The following OR1J2 variants were observed in gnomAD, a reference collection of about 807,000 sequenced individuals.
The protein encoded by OR1J2 is olfactory receptor 1J2.
For missense variants in OR1J2, 304 were observed against 246.1 expected, an observed-to-expected ratio of 1.24 and a Z score of -1.57; for synonymous variants, 142 against 99.7, an observed-to-expected ratio of 1.42 and a Z score of -2.52.
the OR1J2 span, among the ~76,000 whole-genome samples, chr9:122,561,224 G>A: frequency 1.3e-5 from 2 of 152,078 alleles, no homozygotes; most frequent in African/African-American, 4.8e-5. Context: ...GATTGTTCTA[G>A]TTAGCAGCTC....
At chr9:122,507,583 C>T (rs1050073517), upstream of OR1J2, among the ~76,000 whole-genome samples, 3 of 152,142 alleles carry the variant, frequency 2.0e-5, no homozygotes, top group African/African-American at 4.8e-5. Context: ...CTGTTTCTCA[C>T]TTGTCTGAAT....
At chr9:122,517,292 C>G in the OR1J2 span, among the ~76,000 whole-genome samples, 1 of 152,156 alleles carries the variant, frequency 6.6e-6, no homozygotes, top group African/African-American at 2.4e-5. Flanking sequence ...CCCCAGGGAG[C>G]CTTAAAATGC....
the OR1J2 span, among the ~76,000 whole-genome samples, chr9:122,518,428 G>C: frequency 6.6e-6 from 1 of 152,246 alleles, no homozygotes; most frequent in Non-Finnish European, 1.5e-5. Flanking sequence ...TCCACTTTCT[G>C]GTTAGCAGAT....
chr9:122,568,562 C>A, the OR1J2 span: 1 of 807,002 alleles, frequency 1.2e-6, no homozygotes, highest in South Asian at 1.8e-5. Flanking sequence ...CCTAGCAAGT[C>A]TTTGTTTCTT....
At chr9:122,534,246 C>T in the OR1J2 span, among the ~76,000 whole-genome samples, 1 of 152,182 alleles carries the variant, frequency 6.6e-6, no homozygotes, top group African/African-American at 2.4e-5. Context: ...TAATTAAGTC[C>T]TGTTGTGGGG....
the OR1J2 span, among the ~76,000 whole-genome samples, chr9:122,532,552 G>T: frequency 6.8e-6 from 1 of 147,302 alleles, no homozygotes; most frequent in South Asian, 2.2e-4. Context: ...AATGGTAATT[G>T]TGGGAGACTC....
At chr9:122,520,328 T>G in the OR1J2 span, among the ~76,000 whole-genome samples, 1 of 152,380 alleles carries the variant, frequency 6.6e-6, no homozygotes, top group East Asian at 1.9e-4. Context: ...TCCTTCATTT[T>G]ATTTCCTGGA....
chr9:122,515,644 T>A (rs1828690509), downstream of OR1J2, among the ~76,000 whole-genome samples: 1 of 152,204 alleles, frequency 6.6e-6, no homozygotes, highest in Admixed American at 6.5e-5. Flanking sequence ...CATACAGTGT[T>A]AGAGAGCCCT....
the OR1J2 span, among the ~76,000 whole-genome samples, chr9:122,540,039 C>T: frequency 2.0e-5 from 3 of 152,104 alleles, no homozygotes; most frequent in Non-Finnish European, 4.4e-5. Context: ...GAGTAGATTG[C>T]AAAAATTTTC....
chr9:122,519,999 C>A, the OR1J2 span: 2 of 1,614,168 alleles, frequency 1.2e-6, no homozygotes, highest in Non-Finnish European at 1.7e-6. Context: ...ATTGCTGAAT[C>A]CCTTCATTTA....
At chr9:122,470,944 TTG>T in the OR1J2 span, among the ~76,000 whole-genome samples, 1 of 152,198 alleles carries the variant, frequency 6.6e-6, no homozygotes, top group Admixed American at 6.5e-5. Flanking sequence ...TGTACCCCCA[TTG>T]TATCTAGGAA....
chr9:122,448,027 G>A, the OR1J2 span, among the ~76,000 whole-genome samples: 2 of 152,146 alleles, frequency 1.3e-5, no homozygotes, highest in Non-Finnish European at 2.9e-5. Context: ...TATAGAGAAA[G>A]AACAGTGGGC....
the OR1J2 span, among the ~76,000 whole-genome samples, chr9:122,528,098 T>C: frequency 6.6e-6 from 1 of 152,242 alleles, no homozygotes; most frequent in African/African-American, 2.4e-5. Flanking sequence ...AGTAACTTTC[T>C]AGGACCACAT....
the OR1J2 span, among the ~76,000 whole-genome samples, chr9:122,485,858 G>C: frequency 6.6e-6 from 1 of 152,152 alleles, no homozygotes; most frequent in African/African-American, 2.4e-5. Flanking sequence ...AATGACTGCT[G>C]TAAGGCTGGG....
the OR1J2 span, among the ~76,000 whole-genome samples, chr9:122,469,570 A>G: frequency 2.6e-5 from 4 of 152,196 alleles, no homozygotes; most frequent in African/African-American, 9.6e-5. Flanking sequence ...GAAGTGGGGC[A>G]CTGCTGAAAA....
the OR1J2 span, among the ~76,000 whole-genome samples, chr9:122,468,609 C>T: frequency 2.0e-5 from 3 of 151,980 alleles, no homozygotes; most frequent in African/African-American, 4.8e-5. Context: ...AGGTCCACAC[C>T]ATCCTCCAGG....
the OR1J2 span, chr9:122,527,198 C>A: frequency 6.2e-7 from 1 of 1,614,090 alleles, no homozygotes; most frequent in South Asian, 1.1e-5. Flanking sequence ...TGACAAGATA[C>A]ATACACAGGA....
At chr9:122,465,157 C>G in the OR1J2 span, among the ~76,000 whole-genome samples, 3 of 152,222 alleles carry the variant, frequency 2.0e-5, no homozygotes, top group East Asian at 5.8e-4. Context: ...AACTAGTGCA[C>G]AAACAGCCAA....
upstream of OR1J2, among the ~76,000 whole-genome samples, chr9:122,508,125 GGGGAGAGAGAGAGA>G (rs760089120): frequency 1.5e-3 from 219 of 148,410 alleles, 1 homozygote; most frequent in African/African-American, 5.1e-3. Flanking sequence ...AGAGTGAGGG[GGGGAGAGAGAGAGA>G]GGGAGAGAGA....
Sources: allele counts gnomAD v4.1 joint callset (sites outside exome capture counted in the v4.1 genomes callset), GRCh38; gene constraint gnomAD v4.1.1; transcripts MANE v1.5; gene names NCBI Gene and HGNC (gene_info 2026-07-23, HGNC 2026-07-21).